Variants in KAZN observed in about 807,000 individuals in gnomAD.
KAZN encodes the protein kazrin, periplakin interacting protein.
KAZN carries 40 observed loss-of-function variants against 87.4 expected under a neutral mutation model. The ratio of observed to expected loss-of-function variants is 0.46; its 90% CI spans 0.36 to 0.60. The LOEUF (loss-of-function observed/expected upper bound fraction) is 0.60, where lower values mean the gene tolerates loss of function less well. Among genes scored for constraint, KAZN ranks in the 20% least tolerant of loss-of-function variants. The probability of loss-of-function intolerance (pLI) is 0.00; values close to 1 mark genes in which losing one functional copy is unlikely to be tolerated. For missense variants in KAZN, 898 were observed against 1,073.9 expected, an observed-to-expected ratio of 0.84 and a Z score of 2.29; for synonymous variants, 466 against 458.3, an observed-to-expected ratio of 1.02 and a Z score of -0.22.
chr1:13,910,989 G>T (rs138133612), intron 1 of KAZN, among the ~76,000 whole-genome samples: 2 of 152,078 alleles, frequency 1.3e-5, no homozygotes, highest in African/African-American at 4.8e-5. Flanking sequence ...GGAAGGAGGT[G>T]CATGACATGG....
rs200919058 is a variant in KAZN, at chr1:14,786,290, TG to T, written c.227-174392del. ...TTATAGCTCAGGCGCCTGCTCTCCC[TG>T]GTAACTCTCTAGTTAATATTTTAAG... On this transcript the variant is annotated intron_variant, in intron 1 of 14. Transcript: ENST00000376030. Among the ~76,000 whole-genome samples the T allele has an allele frequency of 8.5e-3, 1,299 of 152,318 alleles. 22 individuals are homozygous for T. Among genetic ancestry groups the T allele is most frequent in the African/African-American group, 0.03 (1,241 of 41,550 alleles).
At chr1:14,836,168 G>A (rs1251047791) in intron 1 of KAZN, among the ~76,000 whole-genome samples, 1 of 152,176 alleles carries the variant, frequency 6.6e-6, no homozygotes, top group Non-Finnish European at 1.5e-5. Flanking sequence ...AAGCCTGCAT[G>A]CCCACCTCCC....
At chr1:14,920,849 G>T (rs1658434741) in intron 1 of KAZN, among the ~76,000 whole-genome samples, 1 of 152,082 alleles carries the variant, frequency 6.6e-6, no homozygotes, top group African/African-American at 2.4e-5. Context: ...GCAGAAAATG[G>T]GTAGGTTAGT....
intron 2 of KAZN, among the ~76,000 whole-genome samples, chr1:14,281,386 C>A (rs1176461903): frequency 1.3e-5 from 2 of 152,192 alleles, no homozygotes. Context: ...CAAACTGCAG[C>A]CATCTGACTT....
At chr1:14,691,687 A>G (rs1018053698) in intron 1 of KAZN, among the ~76,000 whole-genome samples, 3 of 152,116 alleles carry the variant, frequency 2.0e-5, no homozygotes, top group Non-Finnish European at 2.9e-5. Flanking sequence ...GGGTTTTGCC[A>G]TGTTGGCCAG....
Position 14,101,808 on chromosome 1 carries a change from T to C in KAZN, c.92-78627T>C, listed in dbSNP as rs148209085. On this transcript the variant is annotated intron_variant, in intron 1 of 16. Transcript: ENST00000636203. The stretch of plus-strand genomic sequence containing the variant: ...TTTCTCTTAAACAGGATAAACATCT[T>C]CCTTATGATGTTGTTTACATATTGT... Among the ~76,000 whole-genome samples the C allele has an allele frequency of 6.2e-3, 949 of 152,334 alleles. 12 individuals are homozygous for C. The highest frequency in any genetic ancestry group is 0.022 in the African/African-American group (910 of 41,570).
intron 1 of KAZN, among the ~76,000 whole-genome samples, chr1:14,907,553 G>A (rs1275810845): frequency 6.6e-6 from 1 of 152,158 alleles, no homozygotes; most frequent in African/African-American, 2.4e-5. Context: ...ACCCTTGGAT[G>A]CCTAAGAGGG....
Position 14,399,994 on chromosome 1 carries a change from A to G in KAZN, c.250-198989A>G, listed in dbSNP as rs1277527094. On this transcript the variant is annotated intron_variant, in intron 2 of 16. Coordinates refer to the KAZN transcript ENST00000636203. Reference sequence around the variant, plus strand: ...AATTGGTGAATTAAAATAAAAAAAGAAGGAATGATTTCACAGTCATTTCAT... The same window carrying G: ...AATTGGTGAATTAAAATAAAAAAAGGAGGAATGATTTCACAGTCATTTCAT... 2.6e-5 allele frequency among the ~76,000 whole-genome samples: 4 copies of G among 152,204 alleles called. No individual in the cohort carries two copies. In the East Asian group the frequency reaches 5.8e-4, roughly 22 times the overall value.
intron 2 of KAZN, among the ~76,000 whole-genome samples, chr1:14,412,673 G>A (rs1335393623): frequency 6.6e-6 from 1 of 151,790 alleles, no homozygotes; most frequent in Non-Finnish European, 1.5e-5. Flanking sequence ...TTAGTGAAAA[G>A]AATCAATATT....
intron 2 of KAZN, among the ~76,000 whole-genome samples, chr1:14,201,914 T>C (rs573664409): frequency 6.6e-6 from 1 of 152,200 alleles, no homozygotes; most frequent in African/African-American, 2.4e-5. Context: ...GTGATCCGCC[T>C]GCCTCGGCCT....
At chr1:14,858,440 T>G (rs775335207) in intron 1 of KAZN, among the ~76,000 whole-genome samples, 19 of 152,166 alleles carry the variant, frequency 1.2e-4, no homozygotes, top group Non-Finnish European at 2.6e-4. Flanking sequence ...CTCGAACTCC[T>G]GACCTCAGGT....
At chr1:14,805,466 C>T (rs1325022324) in intron 1 of KAZN, among the ~76,000 whole-genome samples, 1 of 151,972 alleles carries the variant, frequency 6.6e-6, no homozygotes, top group African/African-American at 2.4e-5. Context: ...AATGGAATAT[C>T]TGGGTTACTA....
intron 2 of KAZN, among the ~76,000 whole-genome samples, chr1:14,348,177 C>T (rs1051393755): frequency 5.9e-5 from 9 of 151,638 alleles, no homozygotes; most frequent in East Asian, 1.9e-4. Context: ...CAGCCTCCCA[C>T]GTAGCTGGGA....
intron 2 of KAZN, among the ~76,000 whole-genome samples, chr1:14,492,302 G>T (rs1342457908): frequency 6.6e-6 from 1 of 152,008 alleles, no homozygotes; most frequent in African/African-American, 2.4e-5. Flanking sequence ...CCCCACAGTT[G>T]GTCGCCACCA....
At chr1:13,908,397 T>C (rs780376109) in intron 1 of KAZN, among the ~76,000 whole-genome samples, 2 of 152,250 alleles carry the variant, frequency 1.3e-5, no homozygotes, top group South Asian at 2.1e-4. Context: ...TGCTATAGGC[T>C]GAAGCTTGGC....
chr1:14,633,675 G>GCTGAGCA (rs930915354), intron 1 of KAZN, among the ~76,000 whole-genome samples: 9 of 152,136 alleles, frequency 5.9e-5, no homozygotes, highest in African/African-American at 2.2e-4. Flanking sequence ...CATTCACTCT[G>GCTGAGCA]CTGAGCATTA....
intron 2 of KAZN, among the ~76,000 whole-genome samples, chr1:14,220,773 G>T (rs962341503): frequency 2.6e-5 from 4 of 152,200 alleles, no homozygotes; most frequent in African/African-American, 9.6e-5. Flanking sequence ...CTCAAGCATA[G>T]ATAGTCCCAC....
At chr1:14,175,293 C>T (rs925266825) in intron 1 of KAZN, among the ~76,000 whole-genome samples, 1 of 152,154 alleles carries the variant, frequency 6.6e-6, no homozygotes, top group South Asian at 2.1e-4. Context: ...TTAGTAGAGA[C>T]AGGGTTTCAC....
intron 2 of KAZN, among the ~76,000 whole-genome samples, chr1:14,490,472 TTTTG>T (rs969952201): frequency 3.6e-4 from 55 of 152,266 alleles, no homozygotes; most frequent in African/African-American, 1.3e-3. Flanking sequence ...TGGTTGTTTT[TTTTG>T]TTTGTTTTTT....
Sources: allele counts gnomAD v4.1 joint callset (sites outside exome capture counted in the v4.1 genomes callset), GRCh38; gene constraint gnomAD v4.1.1; transcripts MANE v1.5; gene names NCBI Gene and HGNC (gene_info 2026-07-23, HGNC 2026-07-21).